Variants in SEMA6D observed in about 807,000 individuals in gnomAD.
SEMA6D encodes the protein semaphorin 6D, also known as semaphorin-6D.
In SEMA6D, 35 loss-of-function variants were observed where a neutral mutation model predicts 106.6. The observed-to-expected ratio is 0.33, with a 90% CI of 0.25 to 0.44. The LOEUF is 0.44. Among genes scored for constraint, SEMA6D ranks in the 20% least tolerant of loss-of-function variants. The pLI is 1.00. For missense variants in SEMA6D, 1,185 were observed against 1,345.9 expected (o/e 0.88, Z 1.87); for synonymous variants, 499 against 487.7 (o/e 1.02, Z -0.31).
intron 1 of SEMA6D, chr15:47,274,253 A>G (rs1002624989): frequency 6.6e-6 from 1 of 152,176 alleles, no homozygotes; most frequent in Non-Finnish European, 1.5e-5. Flanking sequence ...TCAAACTTCC[A>G]TCCTCACCCC....
intron 1 of SEMA6D, among the ~76,000 whole-genome samples, chr15:47,224,748 C>G (rs930058699): frequency 3.3e-5 from 5 of 152,042 alleles, no homozygotes; most frequent in Non-Finnish European, 5.9e-5. Flanking sequence ...AAGTAGAAGT[C>G]TGGAACCTGT....
At chr15:47,377,818 A>G (rs1382009710) in intron 1 of SEMA6D, among the ~76,000 whole-genome samples, 1 of 152,208 alleles carries the variant, frequency 6.6e-6, no homozygotes, top group Non-Finnish European at 1.5e-5. Flanking sequence ...TGAGAAGGGT[A>G]GGAACATGTC....
At chr15:47,330,823 TA>T (rs963488203) in intron 1 of SEMA6D, among the ~76,000 whole-genome samples, 1 of 152,108 alleles carries the variant, frequency 6.6e-6, no homozygotes, top group African/African-American at 2.4e-5. Flanking sequence ...GAGTATGTTG[TA>T]AAGTTCCAGG....
intron 4 of SEMA6D, chr15:47,603,374 G>A (rs2076704375): frequency 6.6e-6 from 1 of 152,102 alleles, no homozygotes; most frequent in Admixed American, 6.6e-5. Context: ...TGTCCCTATA[G>A]GAACTTCCAA....
At chr15:47,315,973 T>G (rs2143353398) in intron 1 of SEMA6D, among the ~76,000 whole-genome samples, 1 of 152,146 alleles carries the variant, frequency 6.6e-6, no homozygotes, top group Admixed American at 6.5e-5. Context: ...TATGATAGCT[T>G]ATTAGTTTCG....
chr15:47,428,502 C>G (rs2041422452), intron 2 of SEMA6D, among the ~76,000 whole-genome samples: 1 of 35,004 alleles, frequency 2.9e-5, no homozygotes, highest in Non-Finnish European at 6.6e-5. Context: ...TGCAGTGGGT[C>G]ACACCTGTAA....
At chr15:47,388,322 C>T (rs454373) in intron 1 of SEMA6D, among the ~76,000 whole-genome samples, 1 of 152,166 alleles carries the variant, frequency 6.6e-6, no homozygotes. Flanking sequence ...TGTTGTTTCA[C>T]TTTCCACAGT....
intron 1 of SEMA6D, among the ~76,000 whole-genome samples, chr15:47,333,294 G>A (rs749809689): frequency 3.3e-5 from 5 of 152,114 alleles, no homozygotes; most frequent in African/African-American, 7.2e-5. Context: ...GTTGTGAAGT[G>A]TATATCATAA....
intron 1 of SEMA6D, among the ~76,000 whole-genome samples, chr15:47,720,209 A>G (rs1278989547): frequency 6.7e-6 from 1 of 149,278 alleles, no homozygotes; most frequent in Non-Finnish European, 1.5e-5. Flanking sequence ...CATCCTACAG[A>G]ATATTCCTAC....
intron 1 of SEMA6D, among the ~76,000 whole-genome samples, chr15:47,356,813 G>C (rs570160757): frequency 6.6e-6 from 1 of 152,046 alleles, no homozygotes; most frequent in East Asian, 1.9e-4. Context: ...TCTCCTAAAG[G>C]CCTCAGGATG....
At chr15:47,324,722 A>G (rs1424136674) in intron 1 of SEMA6D, among the ~76,000 whole-genome samples, 2 of 150,928 alleles carry the variant, frequency 1.3e-5, no homozygotes, top group African/African-American at 2.4e-5. Context: ...TACTTTATAT[A>G]TATGCATATG....
chr15:47,696,001 T>C (rs934455492), intron 4 of SEMA6D, among the ~76,000 whole-genome samples: 5 of 152,222 alleles, frequency 3.3e-5, no homozygotes, highest in Admixed American at 6.5e-5. Flanking sequence ...TATTTACCGA[T>C]GTGCATGTAT....
chr15:47,323,332 G>A (rs1387968669), intron 1 of SEMA6D, among the ~76,000 whole-genome samples: 4 of 152,114 alleles, frequency 2.6e-5, no homozygotes, highest in African/African-American at 9.7e-5. Flanking sequence ...TCTAGGGTAC[G>A]TGAACACCGG....
chr15:47,440,657 A>T (rs2140763828), intron 2 of SEMA6D, among the ~76,000 whole-genome samples: 1 of 152,250 alleles, frequency 6.6e-6, no homozygotes, highest in East Asian at 1.9e-4. Flanking sequence ...AAAGTTAAAA[A>T]AAAAAAGACG....
At chr15:47,608,826 A>AATCC (rs1226343904) in intron 4 of SEMA6D, among the ~76,000 whole-genome samples, 3 of 152,304 alleles carry the variant, frequency 2.0e-5, no homozygotes, top group African/African-American at 7.2e-5. Context: ...TGTAATGTTG[A>AATCC]ATCCTTTTAC....
At chr15:47,662,477 GA>G (rs2077943046) in intron 4 of SEMA6D, among the ~76,000 whole-genome samples, 2 of 152,128 alleles carry the variant, frequency 1.3e-5, no homozygotes, top group Non-Finnish European at 2.9e-5. Flanking sequence ...TTTACAATCA[GA>G]AAGGCCAGAA....
intron 18 of SEMA6D, 147 bp from the exon 19 acceptor site, chr15:47,770,350 T>G: frequency 1.7e-6 from 1 of 585,790 alleles, no homozygotes; most frequent in Non-Finnish European, 2.9e-6. Flanking sequence ...AAAGACAAAA[T>G]ATACAAGGAA....
At chr15:47,342,085 T>A (rs1176428392) in intron 1 of SEMA6D, among the ~76,000 whole-genome samples, 1 of 152,152 alleles carries the variant, frequency 6.6e-6, no homozygotes, top group Admixed American at 6.5e-5. Context: ...GCCTTTAGCC[T>A]GATACAGCCC....
intron 4 of SEMA6D, among the ~76,000 whole-genome samples, chr15:47,691,770 G>A (rs1452079094): frequency 6.6e-6 from 1 of 151,640 alleles, no homozygotes; most frequent in African/African-American, 2.4e-5. Flanking sequence ...ACCCTATATT[G>A]AGTGCCCACC....
Sources: allele counts gnomAD v4.1 joint callset (sites outside exome capture counted in the v4.1 genomes callset), GRCh38; gene constraint gnomAD v4.1.1; transcripts MANE v1.5; gene names NCBI Gene and HGNC (gene_info 2026-07-23, HGNC 2026-07-21).